The following PCSK2 variants were observed in gnomAD, a reference collection of about 807,000 sequenced individuals.
The protein encoded by PCSK2 is neuroendocrine convertase 2.
A neutral mutation model predicts 69.7 loss-of-function variants in PCSK2; 14 were observed. The observed-to-expected ratio is 0.20, with a 90% CI of 0.13 to 0.31. PCSK2 has a LOEUF of 0.31. Ranked by LOEUF, PCSK2 falls within the 10% of genes least tolerant of loss-of-function variation. The probability of loss-of-function intolerance (pLI) is 1.00; values close to 1 mark genes in which losing one functional copy is unlikely to be tolerated. For missense variants in PCSK2, 544 were observed against 842.5 expected (o/e 0.65, Z 4.39); for synonymous variants, 307 against 320.7 (o/e 0.96, Z 0.46).
At chr20:17,241,982 A>G (rs1367125789) in intron 1 of PCSK2, among the ~76,000 whole-genome samples, 1 of 152,238 alleles carries the variant, frequency 6.6e-6, no homozygotes, top group Non-Finnish European at 1.5e-5. Context: ...GCTGTATGTC[A>G]GATAACCACT....
At chr20:17,455,320 A>C (rs1431198440) in intron 9 of PCSK2, among the ~76,000 whole-genome samples, 1 of 152,144 alleles carries the variant, frequency 6.6e-6, no homozygotes, top group Non-Finnish European at 1.5e-5. Flanking sequence ...ACAGAGGAAG[A>C]ATTCCCGTCG....
chr20:17,312,995 A>G (rs1419211068), intron 2 of PCSK2, among the ~76,000 whole-genome samples: 34 of 152,322 alleles, frequency 2.2e-4, no homozygotes, highest in South Asian at 8.3e-4. Context: ...CACCATCAAG[A>G]TGAATGCTAT....
chr20:17,326,121 A>T (rs1456696543), intron 2 of PCSK2, among the ~76,000 whole-genome samples: 1 of 152,276 alleles, frequency 6.6e-6, no homozygotes, highest in Non-Finnish European at 1.5e-5. Context: ...AGTCAAGAGT[A>T]GGTTAGTACC....
intron 2 of PCSK2, among the ~76,000 whole-genome samples, chr20:17,309,559 T>C: frequency 6.6e-6 from 1 of 152,194 alleles, no homozygotes; most frequent in Admixed American, 6.5e-5. Flanking sequence ...GGCTCATGCC[T>C]GTAATCCCAG....
intron 10 of PCSK2, among the ~76,000 whole-genome samples, chr20:17,457,953 G>T (rs531821041): frequency 2.0e-5 from 3 of 152,290 alleles, no homozygotes; most frequent in Non-Finnish European, 4.4e-5. Flanking sequence ...AAATCAAAGT[G>T]GGGGAGTGAG....
At chr20:17,233,077 A>C (rs139117257) in intron 1 of PCSK2, among the ~76,000 whole-genome samples, 1 of 152,284 alleles carries the variant, frequency 6.6e-6, no homozygotes, top group African/African-American at 2.4e-5. Context: ...CCCTGATACC[A>C]GTCATAGCCA....
Position 17,298,005 on chromosome 20 carries a change from G to A in PCSK2, c.282+37661G>A, listed in dbSNP as rs1023637813. ...AACTTCTAGACTAGCTCCTTTTTCC[G>A]CCCTTTATTTTATGCATTATATTTT... On this transcript the variant is annotated intron_variant, in intron 2 of 11. Transcript: ENST00000262545. 6.6e-5 allele frequency among the ~76,000 whole-genome samples: 10 copies of A among 151,654 alleles called. No homozygotes were observed. In the East Asian group the frequency reaches 1.4e-3, roughly 21 times the overall value.
chr20:17,403,276 T>G (rs1479630619), intron 5 of PCSK2, among the ~76,000 whole-genome samples: 2 of 152,252 alleles, frequency 1.3e-5, no homozygotes, highest in East Asian at 3.8e-4. Flanking sequence ...ATGTTAAATT[T>G]CATTAAGTTT....
At chr20:17,399,443 A>G (rs55658327) in intron 5 of PCSK2, among the ~76,000 whole-genome samples, 4,878 of 152,306 alleles carry the variant, frequency 0.032, 284 homozygotes, top group African/African-American at 0.11. Flanking sequence ...TCACTATTTC[A>G]AATAGAAAAG....
chr20:17,258,875 C>A (rs575221396), intron 1 of PCSK2, among the ~76,000 whole-genome samples: 1 of 150,452 alleles, frequency 6.6e-6, no homozygotes, highest in Non-Finnish European at 1.5e-5. Flanking sequence ...AGTAGGTAGG[C>A]CTAGAGGAAA....
chr20:17,255,364 C>T (rs1246176849), intron 1 of PCSK2, among the ~76,000 whole-genome samples: 24 of 149,034 alleles, frequency 1.6e-4, no homozygotes, highest in African/African-American at 4.0e-4. Context: ...TTTTTTGAGA[C>T]GGAGTCTCGC....
chr20:17,450,116 C>CT (rs2032794110), intron 8 of PCSK2, among the ~76,000 whole-genome samples: 1 of 140,532 alleles, frequency 7.1e-6, no homozygotes, highest in East Asian at 2.4e-4. Flanking sequence ...CGGGCTCCGC[C>CT]CCCTGGGGTT....
intron 2 of PCSK2, among the ~76,000 whole-genome samples, chr20:17,277,303 A>G (rs578181832): frequency 0.01 from 1,597 of 152,306 alleles, 24 homozygotes; most frequent in African/African-American, 0.035. Flanking sequence ...GCATCACGCT[A>G]CCTGACTTCA....
chr20:17,308,241 C>T (rs1465686139), intron 2 of PCSK2, among the ~76,000 whole-genome samples: 3 of 152,188 alleles, frequency 2.0e-5, no homozygotes, highest in Non-Finnish European at 2.9e-5. Context: ...CCTGACCCAA[C>T]CACCTCCCAC....
chr20:17,324,292 C>T (rs1397492446), intron 2 of PCSK2, among the ~76,000 whole-genome samples: 5 of 152,110 alleles, frequency 3.3e-5, no homozygotes, highest in African/African-American at 1.2e-4. Flanking sequence ...AGTCACCTCC[C>T]ATCTCCAACA....
At chr20:17,347,176 C>A (rs780469704) in intron 2 of PCSK2, among the ~76,000 whole-genome samples, 4 of 152,172 alleles carry the variant, frequency 2.6e-5, no homozygotes, top group Non-Finnish European at 4.4e-5. Flanking sequence ...ACTTGGTATT[C>A]TTTGAAAACT....
rs2031162635 is a variant in PCSK2 at position 17,384,015 on chromosome 20, A to ACCGAACC, written c.543+14740_543+14741insGAACCCC. Among the ~76,000 whole-genome samples the ACCGAACC allele has an allele frequency of 2.0e-5, 3 of 152,214 alleles. No individual in the cohort carries two copies. The South Asian group carries it at 6.2e-4, about 31-fold the overall frequency. ...ATTAATATAGAAAATAACACCGAAC[A>ACCGAACC]CCAAATTACAAGTAATTAATATTGA... On this transcript the variant is annotated intron_variant, in intron 5 of 11. Coordinates refer to ENST00000262545, the MANE Select transcript of PCSK2 (RefSeq NM_002594.5).
In PCSK2 at chr20:17,308,031, A is replaced by G. The variant is rs145682942; in HGVS notation, c.282+47687A>G. On this transcript the variant is annotated intron_variant, in intron 2 of 11. Coordinates refer to ENST00000262545, the MANE Select transcript of PCSK2 (RefSeq NM_002594.5). ...AAAGAAAGAGTGAGGGGAAGGTGCT[A>G]CACACTTTTAAACAACCAGATCTCA... 9.5e-3 allele frequency among the ~76,000 whole-genome samples: 1,389 copies of G among 146,546 alleles called. 92 individuals are homozygous for G. Among genetic ancestry groups the G allele is most frequent in the South Asian group, 0.037 (155 of 4,178 alleles).
At chr20:17,239,159 G>GGTA (rs1986458004) in intron 1 of PCSK2, among the ~76,000 whole-genome samples, 1 of 152,184 alleles carries the variant, frequency 6.6e-6, no homozygotes, top group African/African-American at 2.4e-5. Flanking sequence ...AGAATAAGGT[G>GGTA]ACCCACAAAT....
Sources: allele counts gnomAD v4.1 joint callset (sites outside exome capture counted in the v4.1 genomes callset), GRCh38; gene constraint gnomAD v4.1.1; transcripts MANE v1.5; gene names NCBI Gene and HGNC (gene_info 2026-07-23, HGNC 2026-07-21).